CAMTA1: variants seen among roughly 807,000 people sequenced by gnomAD.
The protein encoded by CAMTA1 is calmodulin binding transcription activator 1.
Under a neutral mutation model 170.9 loss-of-function variants are expected in CAMTA1, and 27 were observed. That is an observed-to-expected ratio of 0.16 (90% CI 0.12 to 0.22). CAMTA1 has a LOEUF of 0.22. CAMTA1 is among the 10% of genes least tolerant of loss of function. The probability of loss-of-function intolerance (pLI) is 1.00; values close to 1 mark genes in which losing one functional copy is unlikely to be tolerated. For missense variants in CAMTA1, 1,619 were observed against 2,217.2 expected (o/e 0.73, Z 5.42); for synonymous variants, 833 against 891.5 (o/e 0.93, Z 1.17).
rs1187808859 is a variant in CAMTA1 at position 7,609,049 on chromosome 1, C to T, written c.511-31351C>T. On this transcript the variant is annotated intron_variant, in intron 6 of 22. Transcript: ENST00000303635. This position sits in a 1 kb window ranked among gnomAD's most constrained non-coding sequence, Gnocchi z 4.4. ...AAGGAGTCTCCTGATGCAGGCTGGG[C>T]CCCCCGCAGGGGTGGGGGCAGTGCT... Among the ~76,000 whole-genome samples, 2 of 152,054 alleles carry T rather than the reference C, an allele frequency of 1.3e-5. No individual in the cohort carries two copies. The highest frequency in any genetic ancestry group is 2.4e-5 in the African/African-American group (1 of 41,412).
chr1:7,603,872 G>C (rs1458925032), intron 6 of CAMTA1, among the ~76,000 whole-genome samples: 1 of 152,154 alleles, frequency 6.6e-6, no homozygotes, highest in Non-Finnish European at 1.5e-5. Context: ...TTTTAGGGCA[G>C]GCCTGGTGGT....
intron 6 of CAMTA1, among the ~76,000 whole-genome samples, chr1:7,488,854 T>C (rs899477715): frequency 1.3e-5 from 2 of 152,098 alleles, no homozygotes; most frequent in African/African-American, 4.8e-5. Context: ...GATATACACA[T>C]ACATATATAC....
intron 6 of CAMTA1, among the ~76,000 whole-genome samples, chr1:7,616,624 T>G (rs2095560707): frequency 1.3e-5 from 2 of 152,000 alleles, no homozygotes; most frequent in African/African-American, 2.4e-5. Context: ...TTCCTGCTGC[T>G]CCCTAGAATC....
chr1:6,805,081 A>G (rs1315034559), intron 1 of CAMTA1, among the ~76,000 whole-genome samples: 1 of 152,176 alleles, frequency 6.6e-6, no homozygotes, highest in African/African-American at 2.4e-5. Context: ...ACTCTGTTTA[A>G]CTTTTTGAGG....
chr1:7,210,398 A>G (rs1486802324), intron 4 of CAMTA1, among the ~76,000 whole-genome samples: 1 of 152,170 alleles, frequency 6.6e-6, no homozygotes, highest in Admixed American at 6.5e-5. Flanking sequence ...ACACCACAGA[A>G]GCGACATTGG....
chr1:7,714,936 C>T (rs1447294256), intron 11 of CAMTA1, among the ~76,000 whole-genome samples: 1 of 152,176 alleles, frequency 6.6e-6, no homozygotes, highest in Non-Finnish European at 1.5e-5. Context: ...CTCACTGCCC[C>T]CTTTTGCTTT....
intron 7 of CAMTA1, among the ~76,000 whole-genome samples, chr1:7,654,607 CCTA>C (rs2095868301): frequency 1.5e-5 from 2 of 135,076 alleles, no homozygotes; most frequent in South Asian, 2.5e-4. Flanking sequence ...CACACACACT[CCTA>C]TACACACAAA....
chr1:7,755,854 G>C (rs1022998606), intron 22 of CAMTA1, among the ~76,000 whole-genome samples, 186 bp downstream of exon 22: 2 of 152,232 alleles, frequency 1.3e-5, no homozygotes, highest in Non-Finnish European at 2.9e-5. Context: ...CAGGAGAACA[G>C]TCACATACAT....
chr1:7,316,086 C>G (rs1320706857), intron 5 of CAMTA1, among the ~76,000 whole-genome samples: 1 of 152,134 alleles, frequency 6.6e-6, no homozygotes, highest in Non-Finnish European at 1.5e-5. Context: ...ATAAAACCGT[C>G]AAATCTCATG....
At chr1:7,493,164 T>TAC (rs149966722) in intron 6 of CAMTA1, among the ~76,000 whole-genome samples, 84,917 of 123,814 alleles carry the variant, frequency 0.69, 30,052 homozygotes, top group East Asian at 0.85. Flanking sequence ...CAAACCTACA[T>TAC]ACACGCGCAC....
intron 3 of CAMTA1, among the ~76,000 whole-genome samples, chr1:6,999,148 C>T (rs913699026): frequency 6.6e-6 from 1 of 152,192 alleles, no homozygotes; most frequent in African/African-American, 2.4e-5. Flanking sequence ...CAGTGTCTTC[C>T]CTGATCTCTT....
chr1:7,371,769 T>G (rs912185111), intron 5 of CAMTA1, among the ~76,000 whole-genome samples: 5 of 152,220 alleles, frequency 3.3e-5, no homozygotes, highest in African/African-American at 4.8e-5. Context: ...GATCTTCAGT[T>G]TAGGGCTGAA....
chr1:7,265,544 C>T (rs1026647386), intron 5 of CAMTA1, among the ~76,000 whole-genome samples: 3 of 152,148 alleles, frequency 2.0e-5, no homozygotes, highest in African/African-American at 7.2e-5. Flanking sequence ...GAACTCCTGA[C>T]CTCAAGTGAT....
At chr1:7,576,641 C>G (rs2095196992) in intron 6 of CAMTA1, among the ~76,000 whole-genome samples, 1 of 152,114 alleles carries the variant, frequency 6.6e-6, no homozygotes, top group South Asian at 2.1e-4. Context: ...TATAAACCAC[C>G]CAGACTATGA....
chr1:7,419,851 C>G (rs946298061), intron 5 of CAMTA1, among the ~76,000 whole-genome samples: 5 of 152,158 alleles, frequency 3.3e-5, no homozygotes, highest in African/African-American at 2.4e-5. Context: ...CTCCACCCCC[C>G]ACCCATCAGG....
chr1:7,327,711 T>G (rs2082775520), intron 5 of CAMTA1, among the ~76,000 whole-genome samples: 1 of 152,188 alleles, frequency 6.6e-6, no homozygotes, highest in African/African-American at 2.4e-5. Flanking sequence ...AGGGACTGTT[T>G]ATGTTTTCTC....
At chr1:7,340,346 C>T (rs568532860) in intron 5 of CAMTA1, among the ~76,000 whole-genome samples, 6 of 152,192 alleles carry the variant, frequency 3.9e-5, no homozygotes, top group African/African-American at 7.2e-5. Context: ...AGCCTACCCC[C>T]GACTTATGCT....
chr1:7,175,552 C>G (rs1650619280), intron 4 of CAMTA1, among the ~76,000 whole-genome samples: 1 of 152,258 alleles, frequency 6.6e-6, no homozygotes, highest in Non-Finnish European at 1.5e-5. Context: ...GTGCGGAATC[C>G]CAGCCTTTCC....
intron 6 of CAMTA1, among the ~76,000 whole-genome samples, chr1:7,558,300 C>T (rs868694591): frequency 2.0e-5 from 3 of 152,202 alleles, no homozygotes; most frequent in African/African-American, 2.4e-5. Context: ...CAACATGCTG[C>T]GGCGTCCCCC....
Sources: allele counts gnomAD v4.1 joint callset (sites outside exome capture counted in the v4.1 genomes callset), GRCh38; gene constraint gnomAD v4.1.1; non-coding constraint Gnocchi (gnomAD v3.1); transcripts MANE v1.5; gene names NCBI Gene and HGNC (gene_info 2026-07-23, HGNC 2026-07-21).